Variants in MARCHF3 observed in about 807,000 individuals in gnomAD.
MARCHF3 encodes the protein membrane associated ring-CH-type finger 3.
Under a neutral mutation model 24.2 loss-of-function variants are expected in MARCHF3, and 13 were observed. That is an observed-to-expected ratio of 0.54 (90% CI 0.35 to 0.85). The LOEUF (loss-of-function observed/expected upper bound fraction) is 0.85. Ranked by LOEUF, MARCHF3 falls within the 40% of genes least tolerant of loss-of-function variation. The pLI is 0.01. For synonymous variants in MARCHF3, 144 were observed against 137.3 expected (o/e 1.05, Z -0.34); for missense variants, 276 against 325.0 (o/e 0.85, Z 1.16).
chr5:126,879,332 G>A (rs1347576110), intron 3 of MARCHF3, among the ~76,000 whole-genome samples: 1 of 152,108 alleles, frequency 6.6e-6, no homozygotes, highest in Non-Finnish European at 1.5e-5. Flanking sequence ...AGTACTTTTA[G>A]TGAATAATTG....
At chr5:126,944,825 C>G (rs556811189) in intron 1 of MARCHF3, among the ~76,000 whole-genome samples, 12 of 152,254 alleles carry the variant, frequency 7.9e-5, no homozygotes, top group Admixed American at 4.6e-4. Flanking sequence ...CTGACATGAT[C>G]AAATGCACAA....
At chr5:126,892,439 T>G (rs1448056903) in intron 3 of MARCHF3, among the ~76,000 whole-genome samples, 37 of 146,118 alleles carry the variant, frequency 2.5e-4, no homozygotes, top group Admixed American at 1.2e-3. Context: ...CATAGATAGC[T>G]CTTATTATTT....
intron 1 of MARCHF3, among the ~76,000 whole-genome samples, chr5:127,028,710 A>C (rs541317368): frequency 6.6e-6 from 1 of 151,262 alleles, no homozygotes; most frequent in Non-Finnish European, 1.5e-5. Context: ...TTCTGGAGGG[A>C]TTTTTTTTTC....
chr5:126,954,388 TGAGACAGG>T (rs1750365589), intron 1 of MARCHF3, among the ~76,000 whole-genome samples: 1 of 151,560 alleles, frequency 6.6e-6, no homozygotes, highest in South Asian at 2.1e-4. Flanking sequence ...TTTTTTTTTT[TGAGACAGG>T]GTCTCGTTCT....
intron 4 of MARCHF3, among the ~76,000 whole-genome samples, chr5:126,871,190 T>C (rs746620638): frequency 5.3e-5 from 8 of 152,194 alleles, no homozygotes; most frequent in South Asian, 2.1e-4. Context: ...CTCTGTTAGA[T>C]GAGTGGGATG....
At chr5:127,016,085 G>GT (rs1752629831) in intron 1 of MARCHF3, among the ~76,000 whole-genome samples, 2 of 152,034 alleles carry the variant, frequency 1.3e-5, no homozygotes, top group South Asian at 4.1e-4. Flanking sequence ...TTTATTATTA[G>GT]TTATTGTTGT....
intron 1 of MARCHF3, among the ~76,000 whole-genome samples, chr5:126,984,618 A>T (rs1751500220): frequency 6.6e-6 from 1 of 152,198 alleles, no homozygotes; most frequent in South Asian, 2.1e-4. Flanking sequence ...CTAGGATACA[A>T]GAAAAACTAT....
chr5:126,878,459 C>T (rs1393595491), intron 3 of MARCHF3, 65 bp from the exon 4 acceptor site: 4 of 1,482,344 alleles, frequency 2.7e-6, no homozygotes, highest in Non-Finnish European at 3.7e-6. Flanking sequence ...GGAGTGGAGA[C>T]ACGCTGTTCT....
At chr5:127,001,516 G>A (rs1261854479) in intron 1 of MARCHF3, among the ~76,000 whole-genome samples, 3 of 152,154 alleles carry the variant, frequency 2.0e-5, no homozygotes, top group Non-Finnish European at 2.9e-5. Flanking sequence ...TGGTACCAGT[G>A]TGCACTTAGT....
chr5:126,935,601 CTTTT>C (rs202058243), intron 1 of MARCHF3, among the ~76,000 whole-genome samples: 3,037 of 70,162 alleles, frequency 0.043, 28 homozygotes, highest in African/African-American at 0.1. Context: ...GTATATATGG[CTTTT>C]TTTTTTTTTT....
chr5:126,933,410 T>C (rs1388482906), intron 1 of MARCHF3, among the ~76,000 whole-genome samples: 2 of 152,092 alleles, frequency 1.3e-5, no homozygotes, highest in Non-Finnish European at 2.9e-5. Context: ...ATAACAGAAT[T>C]TTCCGCTGTA....
In MARCHF3 at chr5:126,869,604, T is replaced by TTTTG. The variant is rs397999207; in HGVS notation, c.*1028_*1029insCAAA. 1 of 148,022 alleles carries TTTTG rather than the reference T, an allele frequency of 6.8e-6. No homozygotes were observed. Among genetic ancestry groups the TTTTG allele is most frequent in the Non-Finnish European group, 1.5e-5 (1 of 67,272 alleles). 9.2% of individuals were successfully genotyped at this position (148,022 alleles called of 1,614,324 possible). ...AGGCTTTTTTTTTTTTTTTTTTTTT[T>TTTTG]GCCACATCTACCTGTCAAGCTAGAA... On this transcript the variant is annotated 3_prime_UTR_variant, in exon 5 of 5. Coordinates refer to ENST00000308660, the MANE Select transcript of MARCHF3 (RefSeq NM_178450.5).
intron 3 of MARCHF3, among the ~76,000 whole-genome samples, chr5:126,907,186 T>A (rs1754329749): frequency 6.7e-6 from 1 of 149,820 alleles, no homozygotes; most frequent in African/African-American, 2.5e-5. Context: ...TGAGAGACAG[T>A]TTGTTATAAT....
chr5:126,942,292 C>A (rs1220876663), intron 1 of MARCHF3, among the ~76,000 whole-genome samples: 4 of 152,170 alleles, frequency 2.6e-5, no homozygotes, highest in Non-Finnish European at 5.9e-5. Context: ...TTAGGCTTGG[C>A]AGACCAAACA....
chr5:126,912,240 A>G (rs1283002258), intron 3 of MARCHF3, among the ~76,000 whole-genome samples: 1 of 152,230 alleles, frequency 6.6e-6, no homozygotes, highest in African/African-American at 2.4e-5. Flanking sequence ...GAACGGTGGC[A>G]TGAAGGGGGA....
intron 1 of MARCHF3, among the ~76,000 whole-genome samples, chr5:126,937,281 T>C (rs1341418290): frequency 1.3e-5 from 2 of 152,222 alleles, no homozygotes; most frequent in Non-Finnish European, 2.9e-5. Context: ...CAGGATATAC[T>C]CTTTTTTCCT....
At chr5:127,017,679 T>C (rs1157308438) in intron 1 of MARCHF3, among the ~76,000 whole-genome samples, 2 of 152,220 alleles carry the variant, frequency 1.3e-5, no homozygotes, top group Non-Finnish European at 2.9e-5. Flanking sequence ...GGTACCATCA[T>C]AAAGTTGAAA....
intron 1 of MARCHF3, among the ~76,000 whole-genome samples, chr5:127,022,042 T>C (rs1752820240): frequency 1.3e-5 from 2 of 152,210 alleles, no homozygotes; most frequent in Admixed American, 1.3e-4. Flanking sequence ...GTAATAAATA[T>C]GTGTGTTGCT....
intron 1 of MARCHF3, among the ~76,000 whole-genome samples, chr5:126,941,004 T>C (rs1749809365): frequency 6.6e-6 from 1 of 152,168 alleles, no homozygotes; most frequent in African/African-American, 2.4e-5. Context: ...TTTAAGTAAA[T>C]GGAAGTCGGA....
Sources: gnomAD v4.1 joint callset for allele counts (sites outside exome capture counted in the v4.1 genomes callset) on GRCh38, gnomAD v4.1.1 for gene constraint, MANE v1.5 for transcripts, NCBI Gene and HGNC (gene_info 2026-07-23, HGNC 2026-07-21) for gene names.